MITF: variants seen among roughly 807,000 people sequenced by gnomAD.
The protein encoded by MITF is melanocyte inducing transcription factor.
Under a neutral mutation model 60.5 loss-of-function variants are expected in MITF, and 17 were observed. That is an observed-to-expected ratio of 0.28 (90% CI 0.19 to 0.42). MITF has a LOEUF of 0.42. Among genes scored for constraint, MITF ranks in the 10% least tolerant of loss-of-function variants. The pLI, the probability that MITF is intolerant of heterozygous loss-of-function variation, is 1.00. For missense variants in MITF, 622 were observed against 683.5 expected (o/e 0.91, Z 1.00); for synonymous variants, 260 against 248.5 (o/e 1.05, Z -0.43).
In MITF at chr3:69,852,550, C is replaced by T. The variant is rs138951384; in HGVS notation, c.105-26584C>T. On this transcript the variant is annotated intron_variant, in intron 1 of 9. Transcript: ENST00000352241. ...TTGTATGATTACATCACCATTTATC[C>T]ATTCCACTGTTGATGGGAATTTGGT... Among the ~76,000 whole-genome samples, 17 of 152,300 alleles carry T rather than the reference C, an allele frequency of 1.1e-4. No homozygotes were observed. The East Asian group carries it at 3.1e-3, about 28-fold the overall frequency.
intron 1 of MITF, among the ~76,000 whole-genome samples, chr3:69,754,426 A>G (rs1704051465): frequency 6.6e-6 from 1 of 151,884 alleles, no homozygotes; most frequent in Admixed American, 6.6e-5. Flanking sequence ...CGGCCAAAGT[A>G]TTGGGATTAC....
rs767012978 is a variant in MITF, at chr3:69,959,416, T to G, written c.1175T>G (p.Ile392Arg). ...EHANRHLLLR[I>R]QELEMQARAH... is the part of the protein sequence containing the mutation. ...GCCAACCGGCATTTGTTGCTCAGAATACAGGTACGCAGCCTGAGTTGTGTA... is the reference window on the plus strand; with the variant it reads ...GCCAACCGGCATTTGTTGCTCAGAAGACAGGTACGCAGCCTGAGTTGTGTA... Residue 392 changes from isoleucine to arginine, a missense_variant, in exon 9 of 10, where the codon ATA becomes AGA. By Grantham distance (97) the Ile-to-Arg change is moderately conservative (BLOSUM62 -3). Coordinates refer to ENST00000352241, the MANE Select transcript of MITF (RefSeq NM_001354604.2). The G allele has an allele frequency of 1.2e-6, 2 of 1,613,918 alleles. No homozygotes were observed. The highest frequency in any genetic ancestry group is 3.3e-5 in the Admixed American group (2 of 60,020).
rs1209416648 is a variant in MITF at position 69,809,176 on chromosome 3, G to A, written c.104+69475G>A. On this transcript the variant is annotated intron_variant, in intron 1 of 9. Coordinates refer to ENST00000352241, the MANE Select transcript of MITF (RefSeq NM_001354604.2). ...TAATATTACAGTTTTGTTGTGTCTG[G>A]TCAGCCTGTTTTATAAATAAAAATG... is the stretch of plus-strand genomic sequence containing the variant. Among the ~76,000 whole-genome samples, 3 of 152,054 alleles carry A rather than the reference G, an allele frequency of 2.0e-5. No individual in the cohort carries two copies. In the East Asian group the frequency reaches 5.8e-4, roughly 29 times the overall value.
At chr3:69,936,688 T>C in intron 2 of MITF, 1 of 1,613,146 alleles carries the variant, frequency 6.2e-7, no homozygotes, top group Non-Finnish European at 8.5e-7. Context: ...TAGTCTACCG[T>C]CTCTCACTGG....
chr3:69,746,594 A>G (rs1703737004), intron 1 of MITF, among the ~76,000 whole-genome samples: 1 of 152,188 alleles, frequency 6.6e-6, no homozygotes, highest in Admixed American at 6.5e-5. Context: ...TTATAAAAAT[A>G]TGTTTGACTA....
intron 2 of MITF, among the ~76,000 whole-genome samples, chr3:69,896,084 T>G (rs2064870346): frequency 6.6e-6 from 1 of 152,122 alleles, no homozygotes; most frequent in African/African-American, 2.4e-5. Context: ...GTCTAAACCT[T>G]AGTTTCCACA....
chr3:69,834,461 G>A (rs548986591), intron 1 of MITF, among the ~76,000 whole-genome samples: 1 of 152,240 alleles, frequency 6.6e-6, no homozygotes, highest in Non-Finnish European at 1.5e-5. Flanking sequence ...CCCTTAACAT[G>A]ATAGCCTCCA....
chr3:69,956,827 A>T (rs1309750154), intron 8 of MITF, among the ~76,000 whole-genome samples: 8 of 152,186 alleles, frequency 5.3e-5, no homozygotes, highest in Non-Finnish European at 1.0e-4. Flanking sequence ...CTTAAAAAAA[A>T]TTTCCTTTAA....
intron 1 of MITF, among the ~76,000 whole-genome samples, chr3:69,843,919 G>A (rs1235537674): frequency 6.6e-6 from 1 of 152,056 alleles, no homozygotes; most frequent in East Asian, 1.9e-4. Context: ...ATAGACCCCG[G>A]TGTGTGATAT....
rs1014320117 is a variant in MITF at position 69,965,877 on chromosome 3, G to A, written c.*629G>A. ...TTAGAAAACATAACTGATACCAACC[G>A]AAACTGAAGGGAGTTAGACCAAGGC... On this transcript the variant is annotated 3_prime_UTR_variant, in exon 10 of 10. Transcript: ENST00000352241. The A allele has an allele frequency of 3.9e-5, 9 of 230,116 alleles. No individual in the cohort carries two copies. In the East Asian group the frequency reaches 4.3e-4, roughly 11 times the overall value. 14.3% of individuals were successfully genotyped at this position (230,116 alleles called of 1,614,324 possible).
intron 2 of MITF, among the ~76,000 whole-genome samples, chr3:69,920,707 A>G (rs2065446528): frequency 6.6e-6 from 1 of 152,130 alleles, no homozygotes; most frequent in African/African-American, 2.4e-5. Flanking sequence ...CTTTGTATCC[A>G]ATAAATAACA....
At chr3:69,871,684 T>G (rs1220767387) in intron 1 of MITF, among the ~76,000 whole-genome samples, 1 of 152,218 alleles carries the variant, frequency 6.6e-6, no homozygotes, top group Non-Finnish European at 1.5e-5. Flanking sequence ...TAAGTGATGG[T>G]GGTCTAAGGC....
At chr3:69,862,528 G>T (rs969159261) in intron 1 of MITF, among the ~76,000 whole-genome samples, 1 of 152,136 alleles carries the variant, frequency 6.6e-6, no homozygotes, top group Non-Finnish European at 1.5e-5. Flanking sequence ...AACATTTAAT[G>T]CCTAAATAAA....
chr3:69,874,541 G>A (rs538768815), intron 1 of MITF, among the ~76,000 whole-genome samples: 18 of 152,288 alleles, frequency 1.2e-4, no homozygotes, highest in African/African-American at 3.8e-4. Flanking sequence ...GATGTATTGC[G>A]AAGCACAGAG....
At chr3:69,791,274 C>T (rs549681341) in intron 1 of MITF, among the ~76,000 whole-genome samples, 4 of 152,254 alleles carry the variant, frequency 2.6e-5, no homozygotes, top group Admixed American at 6.5e-5. Context: ...ATCCGGCCTC[C>T]GCAACTGTGA....
At chr3:69,830,700 T>A (rs2063432178) in intron 1 of MITF, among the ~76,000 whole-genome samples, 1 of 152,128 alleles carries the variant, frequency 6.6e-6, no homozygotes, top group Non-Finnish European at 1.5e-5. Context: ...GCTCAGTAAA[T>A]GAAAAGGGGG....
intron 2 of MITF, among the ~76,000 whole-genome samples, chr3:69,920,526 AAT>A (rs1263267156): frequency 6.6e-6 from 1 of 152,134 alleles, no homozygotes; most frequent in Non-Finnish European, 1.5e-5. Flanking sequence ...TGAAAGTAAT[AAT>A]AGTCTCTGAT....
Position 69,959,285 on chromosome 3 carries a change from G to T in MITF, c.1044G>T (p.Trp348Cys). Residue 348 changes from tryptophan to cysteine, a missense_variant, in exon 9 of 10, where the codon TGG (tryptophan) becomes TGT (cysteine). Around this residue, in one of 5 missense-constraint regions of MITF, gnomAD observed 31 missense variants for 74.8 expected, o/e 0.41. Transcript: ENST00000352241. ...ATTTTCATCGCAGAGACATGCGCTG[G>T]AACAAGGGAACCATCTTAAAAGCAT... The part of the protein sequence containing the change: ...IPKSNDPDMR[W>C]NKGTILKASV... The T allele has an allele frequency of 6.2e-7, 1 of 1,613,978 alleles. No homozygotes were observed. The highest frequency in any genetic ancestry group is 8.5e-7 in the Non-Finnish European group (1 of 1,180,000).
At chr3:69,851,285 A>G (rs942416497) in intron 1 of MITF, among the ~76,000 whole-genome samples, 1 of 152,164 alleles carries the variant, frequency 6.6e-6, no homozygotes, top group African/African-American at 2.4e-5. Flanking sequence ...AGTATGTACC[A>G]TTTCTTTTTA....
Sources: gnomAD v4.1 joint callset for allele counts (sites outside exome capture counted in the v4.1 genomes callset) on GRCh38, gnomAD v4.1.1 for gene constraint, gnomAD v4.1.1 regional missense constraint, MANE v1.5 for transcripts, NCBI Gene and HGNC (gene_info 2026-07-23, HGNC 2026-07-21) for gene names.